Variants in KRT2 observed in about 807,000 individuals in gnomAD.
The protein encoded by KRT2 is keratin 2, also known as keratin, type II cytoskeletal 2 epidermal.
Under a neutral mutation model 48.5 loss-of-function variants are expected in KRT2, and 37 were observed. The ratio of observed to expected loss-of-function variants is 0.76; its 90% CI spans 0.59 to 1.00. KRT2 has a LOEUF of 1.00. KRT2 is among the 50% of genes least tolerant of loss of function. The pLI is 0.00. For missense variants in KRT2, 880 were observed against 815.2 expected (o/e 1.08, Z -0.97); for synonymous variants, 324 against 312.2 (o/e 1.04, Z -0.40).
chr12:52,651,622 A>G lies in KRT2; in HGVS notation c.521T>C (p.Val174Ala). Reference sequence around the variant, plus strand: ...GATCTGCTCACGCTCTTGGGCCTTCACATTCTGGATCTCTGGGTCAACTTT... The same window carrying G: ...GATCTGCTCACGCTCTTGGGCCTTCGCATTCTGGATCTCTGGGTCAACTTT... ...NVKVDPEIQNVKAQEREQIKT... is the reference protein window; with the variant it reads ...NVKVDPEIQNAKAQEREQIKT... The change falls in exon 1 of 9, where the codon GTG (valine) becomes GCG (alanine). Residue 174 changes from valine (V) to alanine (A), a missense_variant. By Grantham distance (64) the Val-to-Ala change is moderately conservative. Transcript: ENST00000309680. 6.2e-7 allele frequency: 1 copy of G among 1,614,060 alleles called. No individual in the cohort carries two copies. Among genetic ancestry groups the G allele is most frequent in the Admixed American group, 1.7e-5 (1 of 60,010 alleles).
At chr12:52,645,470 A>G (rs200771022) in intron 8 of KRT2, 36 bp from the exon 9 acceptor site, 3 of 1,614,092 alleles carry the variant, frequency 1.9e-6, no homozygotes, top group African/African-American at 2.7e-5. Context: ...AGAGATTATG[A>G]CTGCCTCTCC....
intron 4 of KRT2, among the ~76,000 whole-genome samples, 179 bp downstream of exon 4, chr12:52,648,828 A>C (rs2120947376): frequency 6.6e-6 from 1 of 152,180 alleles, no homozygotes; most frequent in Admixed American, 6.5e-5. Context: ...ATCGGAGGAG[A>C]AAATTCCTCA....
At chr12:52,648,102 A>C in intron 5 of KRT2, 71 bp downstream of exon 5, 1 of 1,527,534 alleles carries the variant, frequency 6.5e-7, no homozygotes, top group East Asian at 2.2e-5. Flanking sequence ...CTTACTGTAC[A>C]CTTTCCAGCT....
rs1364295320 is a variant in KRT2 at position 52,649,102 on chromosome 12, C to A, written c.862G>T (p.Asp288Tyr). Reference protein sequence around the residue: ...AENDFVTLKKDVDNAYMIKVE... With the variant: ...AENDFVTLKKYVDNAYMIKVE... ...TTTATCATGTAGGCATTGTCCACGT[C>A]CTGCAAGAAAGGTTGAGGCCTCTGG... The change falls in exon 4 of 9, where the codon GAC becomes TAC. Residue 288 changes from aspartate (D) to tyrosine (Y), a missense_variant and splice_region_variant. Transcript: ENST00000309680. 1 of 1,606,246 alleles carries A rather than the reference C, an allele frequency of 6.2e-7. No individual in the cohort carries two copies. The highest frequency in any genetic ancestry group is 8.5e-7 in the Non-Finnish European group (1 of 1,173,064).
intron 7 of KRT2, 151 bp downstream of exon 7, chr12:52,646,589 T>C (rs1941164616): frequency 5.0e-6 from 4 of 793,464 alleles, no homozygotes; most frequent in Non-Finnish European, 8.4e-6. Flanking sequence ...ATGTCCTGAG[T>C]TTCTGCTTGG....
rs770686901 is a variant in KRT2, at chr12:52,645,035, G to T, written c.1904C>A (p.Thr635Asn). The change falls in exon 9 of 9, where the codon ACC becomes AAC. Residue 635 changes from threonine (T) to asparagine (N), a missense_variant. Thr to Asn is a moderately conservative substitution (Grantham distance 65). Transcript: ENST00000309680. ...SSGEAFGSSVTFSFR is the reference protein window; with the variant it reads ...SSGEAFGSSVNFSFR ...GGCTCATCTTTATCTAAAAGAGAAG[G>T]TCACGCTGGAACCAAAAGCTTCACC... 1.9e-6 allele frequency: 3 copies of T among 1,613,990 alleles called. No homozygotes were observed. Among genetic ancestry groups the T allele is most frequent in the Non-Finnish European group, 2.5e-6 (3 of 1,180,018 alleles).
Position 52,645,384 on chromosome 12 carries a change from C to G in KRT2, c.1555G>C (p.Gly519Arg), listed in dbSNP as rs772712930. The G allele has an allele frequency of 2.5e-6, 4 of 1,614,224 alleles. No homozygotes were observed. Among genetic ancestry groups the G allele is most frequent in the Non-Finnish European group, 3.4e-6 (4 of 1,180,044 alleles). ...SSNVASKAAF[G>R]GSGGRGSSSG... ...CTGGACCCTCTACCTCCAGAACCTC[C>G]AAAGGCAGCCTTGGATGCCACATTT... is the stretch of plus-strand genomic sequence containing the variant. The change falls in exon 9 of 9, where the codon GGA becomes CGA. Residue 519 changes from glycine (G) to arginine (R), a missense_variant. Physicochemically the swap from Gly to Arg is moderately radical, Grantham distance 125. Transcript: ENST00000309680.
chr12:52,649,860 G>A, intron 3 of KRT2, 54 bp downstream of exon 3: 1 of 1,350,952 alleles, frequency 7.4e-7, no homozygotes, highest in South Asian at 1.2e-5. Context: ...TAGACACAAT[G>A]GGGCTGTGAA....
rs1429261391 is a variant in KRT2, at chr12:52,650,489, T to C, written c.650A>G (p.Asn217Ser). The change falls in exon 2 of 9, where the codon AAT (asparagine) becomes AGT (serine). Residue 217 changes from asparagine (N) to serine (S), a missense_variant. By Grantham distance (46) the Asn-to-Ser change is conservative (BLOSUM62 1). Transcript: ENST00000309680. ...CAGGTTGATGGGGCGGGTGCCAACA[T>C]TCATTTGTTGTAGCAGCTCCCATTT... ...QTKWELLQQM[N>S]VGTRPINLEP... 8 of 1,613,548 alleles carry C rather than the reference T, an allele frequency of 5.0e-6. No individual in the cohort carries two copies. Among genetic ancestry groups the C allele is most frequent in the Non-Finnish European group, 6.8e-6 (8 of 1,180,036 alleles).
Position 52,652,079 on chromosome 12 carries a change from A to G in KRT2, c.64T>C (p.Phe22Leu), listed in dbSNP as rs756350391. 51 of 1,598,396 alleles carry G rather than the reference A, an allele frequency of 3.2e-5. 1 individual carries two copies. The South Asian group carries it at 5.4e-4, about 17-fold the overall frequency. ...GACACCACAGCTGAGCCGCTGCTGA[A>G]GCCCCGGAATCCTCCTCCACCTCCT... ...RGGGGGGFRG[F>L]SSGSAVVSGG... is the part of the protein sequence containing the mutation. The change falls in exon 1 of 9, where the codon TTC (phenylalanine) becomes CTC (leucine). Residue 22 changes from phenylalanine to leucine, a missense_variant. By Grantham distance (22) the Phe-to-Leu change is conservative (BLOSUM62 0). Transcript: ENST00000309680.
At position 52,647,852 on chromosome 12, in the gene KRT2, C is replaced by T. The variant is rs201225505; in HGVS notation, c.1126G>A (p.Glu376Lys). Residue 376 changes from glutamate to lysine, a missense_variant, in exon 6 of 9, where the codon GAG (glutamate) becomes AAG (lysine). Physicochemically the swap from Glu to Lys is moderately conservative, Grantham distance 56. Transcript: ENST00000309680. ...CTCCCGACAGTCACCTGGAGCTCCTCATACTGATATGGGGAGAAGAGGACA... is the reference window on the plus strand; with the variant it reads ...CTCCCGACAGTCACCTGGAGCTCCTTATACTGATATGGGGAGAAGAGGACA... ...EAEALYHSKY[E>K]ELQVTVGRHG... is the part of the protein sequence containing the mutation. 89 of 1,614,016 alleles carry T rather than the reference C, an allele frequency of 5.5e-5. No homozygotes were observed. The highest frequency in any genetic ancestry group is 5.1e-6 in the Non-Finnish European group (6 of 1,180,028).
Position 52,651,641 on chromosome 12 carries a change from C to T in KRT2, c.502G>A (p.Asp168Asn), listed in dbSNP as rs1941249270. 1 of 1,614,118 alleles carries T rather than the reference C, an allele frequency of 6.2e-7. No individual in the cohort carries two copies. The highest frequency in any genetic ancestry group is 8.5e-7 in the Non-Finnish European group (1 of 1,180,024). Residue 168 changes from aspartate to asparagine, a missense_variant, in exon 1 of 9, where the codon GAC becomes AAC. Coordinates refer to ENST00000309680, the MANE Select transcript of KRT2 (RefSeq NM_000423.3). ...SLLQPLNVKV[D>N]PEIQNVKAQE... Reference sequence around the variant, plus strand: ...GCCTTCACATTCTGGATCTCTGGGTCAACTTTCACGTTGAGAGGCTGCAGG... The same window carrying T: ...GCCTTCACATTCTGGATCTCTGGGTTAACTTTCACGTTGAGAGGCTGCAGG...
At chr12:52,650,112 G>T in intron 2 of KRT2, 138 bp from the exon 3 acceptor site, 1 of 787,354 alleles carries the variant, frequency 1.3e-6, no homozygotes, top group Non-Finnish European at 2.2e-6. Flanking sequence ...TTGAAACTAA[G>T]ATTTCCAAAC....
rs1941145998 is a variant in KRT2, at chr12:52,645,242, C to G, written c.1697G>C (p.Gly566Ala). Reference sequence around the variant, plus strand: ...TCCGTATCTTCCTCCAGAACCACCGCCAGAGCCATATCCTCCTCCAGAGAT... The same window carrying G: ...TCCGTATCTTCCTCCAGAACCACCGGCAGAGCCATATCCTCCTCCAGAGAT... ...GSISGGGYGSGGGSGGRYGSG... is the reference protein window; with the variant it reads ...GSISGGGYGSAGGSGGRYGSG... The change falls in exon 9 of 9, where the codon GGC becomes GCC. Residue 566 changes from glycine to alanine, a missense_variant. Coordinates refer to ENST00000309680, the MANE Select transcript of KRT2 (RefSeq NM_000423.3). 1 of 1,614,148 alleles carries G rather than the reference C, an allele frequency of 6.2e-7. No homozygotes were observed. Among genetic ancestry groups the G allele is most frequent in the East Asian group, 2.2e-5 (1 of 44,878 alleles).
chr12:52,651,815 C>A lies in KRT2; in HGVS notation c.328G>T (p.Gly110Cys). The A allele has an allele frequency of 6.2e-7, 1 of 1,604,874 alleles. No individual in the cohort carries two copies. Among genetic ancestry groups the A allele is most frequent in the East Asian group, 2.3e-5 (1 of 44,136 alleles). Residue 110 changes from glycine to cysteine, a missense_variant, in exon 1 of 9, where the codon GGT becomes TGT. Coordinates refer to ENST00000309680, the MANE Select transcript of KRT2 (RefSeq NM_000423.3). ...AAGCCGCCTCCACCGAAACCACCAC[C>A]ACTGAAGCCGCTGCCACCTCCAAAG... ...SSFGGGSGFS[G>C]GGFGGGGFGG...
At chr12:52,646,982 T>C (rs367937455) in intron 6 of KRT2, 22 bp from the exon 7 acceptor site, 6 of 1,608,210 alleles carry the variant, frequency 3.7e-6, no homozygotes, top group Non-Finnish European at 4.3e-6. Flanking sequence ...GGACAGAGAA[T>C]GGATTCTGCC....
In KRT2 at chr12:52,651,562, T is replaced by G. The variant is rs1565640684; in HGVS notation, c.581A>C (p.Asp194Ala). 6.2e-7 allele frequency: 1 copy of G among 1,611,996 alleles called. No homozygotes were observed. Among genetic ancestry groups the G allele is most frequent in the Non-Finnish European group, 8.5e-7 (1 of 1,178,014 alleles). ...AGCCGTCTTCTCCAGAGTCACCTTG[T>G]CAATGAAGGAGGCAAATTTGTTGTT... is the stretch of plus-strand genomic sequence containing the variant. Reference protein sequence around the residue: ...TLNNKFASFIDKVRFLEQQNQ... With the variant: ...TLNNKFASFIAKVRFLEQQNQ... Residue 194 changes from aspartate to alanine, a missense_variant, in exon 1 of 9, where the codon GAC becomes GCC. Asp to Ala is a moderately radical substitution (Grantham distance 126). Transcript: ENST00000309680.
Position 52,650,566 on chromosome 12 carries a change from G to A in KRT2, c.586-13C>T, listed in dbSNP as rs752109525. 6.8e-6 allele frequency: 11 copies of A among 1,608,122 alleles called. No homozygotes were observed. Among genetic ancestry groups the A allele is most frequent in the Non-Finnish European group, 8.5e-6 (10 of 1,176,214 alleles). On this transcript the variant is annotated splice_polypyrimidine_tract_variant and intron_variant, in intron 1 of 8. Coordinates refer to ENST00000309680, the MANE Select transcript of KRT2 (RefSeq NM_000423.3). ...CCAAGAACCGCACCTGCCATGACCA[G>A]AAGGAGAGCACATGAGTTCTAGATC...
intron 1 of KRT2, 27 bp downstream of exon 1, chr12:52,651,531 A>G (rs1463504449): frequency 1.3e-6 from 2 of 1,517,876 alleles, no homozygotes; most frequent in South Asian, 2.2e-5. Context: ...CCTGAGCATC[A>G]GTGGGAGCCG....
Sources: allele counts gnomAD v4.1 joint callset (sites outside exome capture counted in the v4.1 genomes callset), GRCh38; gene constraint gnomAD v4.1.1; transcripts MANE v1.5; gene names NCBI Gene and HGNC (gene_info 2026-07-23, HGNC 2026-07-21).